TG: variants seen among roughly 807,000 people sequenced by gnomAD.
The protein encoded by TG is thyroid hormones.
A neutral mutation model predicts 324.7 loss-of-function variants in TG; 270 were observed. The observed-to-expected ratio is 0.83, with a 90% CI of 0.75 to 0.92. The LOEUF (loss-of-function observed/expected upper bound fraction) is 0.92, where lower values mean the gene tolerates loss of function less well. TG is among the 40% of genes least tolerant of loss of function. TG has a pLI of 0.00. For missense variants in TG, 3,591 were observed against 3,456.4 expected (o/e 1.04, Z -0.98); for synonymous variants, 1,401 against 1,327.0 (o/e 1.06, Z -1.21).
At chr8:133,019,032 G>T (rs1357451298) in intron 38 of TG, among the ~76,000 whole-genome samples, 1 of 152,228 alleles carries the variant, frequency 6.6e-6, no homozygotes, top group East Asian at 1.9e-4. Flanking sequence ...ATGAAATGAC[G>T]GAGTCACATA....
rs1563951757 is a variant in TG, at chr8:132,917,031, C to CCT, written c.4379-2345_4379-2344insCT. Among the ~76,000 whole-genome samples, 114 of 77,090 alleles carry CCT rather than the reference C, an allele frequency of 1.5e-3. 1 individual carries two copies. The highest frequency in any genetic ancestry group is 4.5e-3 in the African/African-American group (112 of 24,698). The allele number at this position is 77,090 out of a possible 152,430, so 50.6% of individuals were successfully genotyped here. A position where few individuals can be genotyped will look rare whatever the true frequency, so the allele number is the denominator to read the frequency against. ...CCTCCCTTCCTCCCTCCATGCCTCC[C>CCT]TCCCTCCCTCCCTCCTTCCTTCCTT... On this transcript the variant is annotated intron_variant, in intron 20 of 47. Coordinates refer to ENST00000220616, the MANE Select transcript of TG (RefSeq NM_003235.5).
chr8:133,118,682 G>C (rs1850905768), intron 45 of TG, among the ~76,000 whole-genome samples: 1 of 152,052 alleles, frequency 6.6e-6, no homozygotes, highest in Non-Finnish European at 1.5e-5. Context: ...AATTTTGCAG[G>C]GTTGAAATGG....
intron 20 of TG, among the ~76,000 whole-genome samples, chr8:132,918,069 G>T (rs1387890109): frequency 1.3e-5 from 2 of 152,070 alleles, no homozygotes; most frequent in African/African-American, 4.8e-5. Context: ...AGGGAAGGTT[G>T]ACAGTAAGGC....
chr8:132,970,525 A>G (rs1016587161), intron 32 of TG, among the ~76,000 whole-genome samples: 51 of 152,220 alleles, frequency 3.4e-4, no homozygotes, highest in African/African-American at 1.2e-3. Context: ...TCATCCATTC[A>G]TGAACCATTG....
intron 40 of TG, among the ~76,000 whole-genome samples, chr8:133,027,075 C>G (rs534261094): frequency 6.6e-6 from 1 of 152,290 alleles, no homozygotes; most frequent in Non-Finnish European, 1.5e-5. Context: ...GGGACTGCAG[C>G]CGGCTGGTGT....
intron 12 of TG, 116 bp from the exon 13 acceptor site, chr8:132,898,053 A>T: frequency 9.3e-7 from 1 of 1,073,894 alleles, no homozygotes. Context: ...TAGACTGGGG[A>T]CAGAAGGCGA....
Position 133,131,338 on chromosome 8 carries a change from G to C in TG, c.7863-474G>C, listed in dbSNP as rs184454102. Among the ~76,000 whole-genome samples, 28 of 152,332 alleles carry C rather than the reference G, an allele frequency of 1.8e-4. No individual in the cohort carries two copies. The East Asian group carries it at 3.3e-3, about 18-fold the overall frequency. On this transcript the variant is annotated intron_variant, in intron 45 of 47. Transcript: ENST00000220616. ...TCCTATTTGCCAGGTACTGTGCTGC[G>C]GTGGGCTTCATGGATAAATGTCTTC...
In TG at chr8:133,120,553, C is replaced by A. The variant is rs995821533; in HGVS notation, c.7862+3837C>A. On this transcript the variant is annotated intron_variant, in intron 45 of 47. Transcript: ENST00000220616. ...ATGCGTTCCGGCCTCTCTCTTAGCC[C>A]CTGGTGGCCTAAGGCGATTCTTGGC... Among the ~76,000 whole-genome samples, 12 of 152,164 alleles carry A rather than the reference C, an allele frequency of 7.9e-5. No homozygotes were observed. In the South Asian group the frequency reaches 2.5e-3, roughly 32 times the overall value.
rs1018134322 is a variant in TG at position 133,014,774 on chromosome 8, A to G, written c.6562+1010A>G. Among the ~76,000 whole-genome samples the G allele has an allele frequency of 2.0e-5, 3 of 152,222 alleles. No individual in the cohort carries two copies. In the East Asian group the frequency reaches 5.8e-4, roughly 29 times the overall value. On this transcript the variant is annotated intron_variant, in intron 37 of 47. Coordinates refer to ENST00000220616, the MANE Select transcript of TG (RefSeq NM_003235.5). ...CCTCAGCCTTAGCCTTCAGACCACA[A>G]GAGTGTCTTCCAGACCTGAGAATGC...
intron 41 of TG, among the ~76,000 whole-genome samples, chr8:133,059,671 C>T (rs541539456): frequency 5.3e-5 from 8 of 152,048 alleles, no homozygotes; most frequent in South Asian, 2.1e-4. Flanking sequence ...CCAGCTCTTG[C>T]GGGGCTAAGT....
intron 41 of TG, among the ~76,000 whole-genome samples, chr8:133,086,129 T>C (rs1846521090): frequency 6.6e-6 from 1 of 152,246 alleles, no homozygotes; most frequent in African/African-American, 2.4e-5. Flanking sequence ...TGATTCCATT[T>C]ATATGAAATG....
At chr8:133,068,426 A>G (rs573005138) in intron 41 of TG, among the ~76,000 whole-genome samples, 1 of 152,354 alleles carries the variant, frequency 6.6e-6, no homozygotes, top group East Asian at 1.9e-4. Context: ...TTTTAAGGTC[A>G]TTTTAAGATA....
intron 45 of TG, among the ~76,000 whole-genome samples, chr8:133,124,991 G>A (rs1226014402): frequency 6.6e-6 from 1 of 152,168 alleles, no homozygotes; most frequent in East Asian, 1.9e-4. Flanking sequence ...TACATCCTGT[G>A]GGATTATTTC....
chr8:132,974,492 T>G (rs1376746476), intron 34 of TG, among the ~76,000 whole-genome samples: 2 of 152,182 alleles, frequency 1.3e-5, no homozygotes. Flanking sequence ...AAAGTTGAAT[T>G]GCTTGACCCA....
At chr8:133,087,827 G>C (rs887155071) in intron 41 of TG, 1 of 152,174 alleles carries the variant, frequency 6.6e-6, no homozygotes, top group East Asian at 1.9e-4. Context: ...TGAATGTCAC[G>C]TGACCTCCTC....
chr8:132,960,996 C>G lies in TG; in HGVS notation c.5402-12C>G. On this transcript the variant is annotated splice_polypyrimidine_tract_variant and intron_variant, in intron 27 of 47. Coordinates refer to ENST00000220616, the MANE Select transcript of TG (RefSeq NM_003235.5). Reference sequence around the variant, plus strand: ...CACTCAAGCTCATAAAAATAAACATCTTCCTTTGCAGGTCTGACACCCTTA... The same window carrying G: ...CACTCAAGCTCATAAAAATAAACATGTTCCTTTGCAGGTCTGACACCCTTA... 3.7e-6 allele frequency: 6 copies of G among 1,613,818 alleles called. No homozygotes were observed. Among genetic ancestry groups the G allele is most frequent in the Non-Finnish European group, 5.1e-6 (6 of 1,179,736 alleles).
At chr8:133,005,790 C>T (rs968418871) in intron 35 of TG, among the ~76,000 whole-genome samples, 1 of 152,158 alleles carries the variant, frequency 6.6e-6, no homozygotes, top group African/African-American at 2.4e-5. Context: ...ATTCTCTAAC[C>T]AGCGTTGGCT....
chr8:132,905,956 G>A lies in TG; in HGVS notation c.3635-732G>A, dbSNP rs61354660. Reference sequence around the variant, plus strand: ...GTAACAGATATTCCTGGAGGCATTGGGGAGCTGGAGGAGATGAGAGTGAAG... The same window carrying A: ...GTAACAGATATTCCTGGAGGCATTGAGGAGCTGGAGGAGATGAGAGTGAAG... On this transcript the variant is annotated intron_variant, in intron 16 of 47. Coordinates refer to ENST00000220616, the MANE Select transcript of TG (RefSeq NM_003235.5). 4.7e-3 allele frequency among the ~76,000 whole-genome samples: 709 copies of A among 152,222 alleles called. 6 individuals carry two copies. Among genetic ancestry groups the A allele is most frequent in the African/African-American group, 0.016 (672 of 41,536 alleles).
intron 41 of TG, among the ~76,000 whole-genome samples, chr8:133,081,882 G>A (rs988832510): frequency 2.0e-5 from 3 of 152,282 alleles, no homozygotes; most frequent in African/African-American, 4.8e-5. Context: ...TGCCTCTGAC[G>A]GATTGTCACA....
Sources: allele counts gnomAD v4.1 joint callset (sites outside exome capture counted in the v4.1 genomes callset), GRCh38; gene constraint gnomAD v4.1.1; transcripts MANE v1.5; gene names NCBI Gene and HGNC (gene_info 2026-07-23, HGNC 2026-07-21).